LRP6: variants seen among roughly 807,000 people sequenced by gnomAD.
The protein encoded by LRP6 is LDL receptor related protein 6.
Under a neutral mutation model 184.1 loss-of-function variants are expected in LRP6, and 43 were observed. That is an observed-to-expected ratio of 0.23 (90% CI 0.18 to 0.30). The LOEUF (loss-of-function observed/expected upper bound fraction) is 0.30, where lower values mean the gene tolerates loss of function less well. LRP6 is among the 10% of genes least tolerant of loss of function. The pLI, the probability that LRP6 is intolerant of heterozygous loss-of-function variation, is 1.00. For synonymous variants in LRP6, 719 were observed against 684.9 expected, an observed-to-expected ratio of 1.05 and a Z score of -0.78; for missense variants, 1,571 against 2,005.3, an observed-to-expected ratio of 0.78 and a Z score of 4.14.
At position 12,231,301 on chromosome 12, in the gene LRP6, T is replaced by C. The variant is rs986943024; in HGVS notation, c.449+12961A>G. Among the ~76,000 whole-genome samples, 16 of 147,870 alleles carry C rather than the reference T, an allele frequency of 1.1e-4. No individual in the cohort carries two copies. In the Admixed American group the frequency reaches 1.1e-3, roughly 10 times the overall value. On this transcript the variant is annotated intron_variant, in intron 2 of 22. Transcript: ENST00000261349. ...TGTTCCAATGACAAGCCAGAGAAGA[T>C]CTTGGCACACAAGACACAGTGTTAG...
At position 12,119,864 on chromosome 12, in the gene LRP6, G is replaced by A. The variant is rs1416054810; in HGVS notation, c.*1262C>T. ...TTATTCTGAGAAAAACCGGTCTAAA[G>A]AACATGAAAACATCACAAACTGTTA... On this transcript the variant is annotated 3_prime_UTR_variant, in exon 23 of 23. Transcript: ENST00000261349. 6.7e-6 allele frequency: 1 copy of A among 150,112 alleles called. No homozygotes were observed. Among genetic ancestry groups the A allele is most frequent in the Non-Finnish European group, 1.5e-5 (1 of 67,522 alleles). The allele number at this position is 150,112 out of a possible 1,614,324, so 9.3% of individuals were successfully genotyped here.
At chr12:12,139,268 G>A (rs1949896140) in intron 15 of LRP6, among the ~76,000 whole-genome samples, 1 of 152,202 alleles carries the variant, frequency 6.6e-6, no homozygotes, top group South Asian at 2.1e-4. Context: ...ATCAAGGAAA[G>A]TTTCAGGAAA....
intron 19 of LRP6, among the ~76,000 whole-genome samples, chr12:12,130,439 G>A (rs1221995325): frequency 2.0e-5 from 3 of 151,994 alleles, no homozygotes. Flanking sequence ...GCCCACCTTG[G>A]CCTCCCAAAG....
Position 12,116,404 on chromosome 12 carries a change from T to G in LRP6, c.*4722A>C, listed in dbSNP as rs1372749027. ...AATCTTCTTGGTATCCTCTCTACTT[T>G]TTAACATTTTTCCTTACTAATCCAT... On this transcript the variant is annotated 3_prime_UTR_variant, in exon 23 of 23. Transcript: ENST00000261349. 6.6e-6 allele frequency: 1 copy of G among 152,232 alleles called. No individual in the cohort carries two copies. The highest frequency in any genetic ancestry group is 2.4e-5 in the African/African-American group (1 of 41,460). The allele number at this position is 152,232 out of a possible 1,614,324, so 9.4% of individuals were successfully genotyped here.
At chr12:12,180,769 T>G (rs540464003) in intron 6 of LRP6, among the ~76,000 whole-genome samples, 1 of 151,956 alleles carries the variant, frequency 6.6e-6, no homozygotes, top group Non-Finnish European at 1.5e-5. Context: ...TTCATGGTAA[T>G]GATGCAATCC....
Position 12,223,648 on chromosome 12 carries a change from ACTC to A in LRP6, c.450-20251_450-20249del, listed in dbSNP as rs559977789. ...AAAATATTAATTATACTTTTCTACTACTCCTATCTTAATTTTTAATGGGTATAA... is the reference window on the plus strand; with the variant it reads ...AAAATATTAATTATACTTTTCTACTACTATCTTAATTTTTAATGGGTATAA... On this transcript the variant is annotated intron_variant, in intron 2 of 22. Coordinates refer to ENST00000261349, the MANE Select transcript of LRP6 (RefSeq NM_002336.3). 7.1e-4 allele frequency among the ~76,000 whole-genome samples: 108 copies of A among 152,054 alleles called. 1 individual carries two copies. The East Asian group carries it at 9.3e-3, about 13-fold the overall frequency.
intron 5 of LRP6, among the ~76,000 whole-genome samples, chr12:12,181,677 T>C (rs1863349647): frequency 6.6e-6 from 1 of 152,244 alleles, no homozygotes; most frequent in African/African-American, 2.4e-5. Context: ...CATTCTATGG[T>C]TTCATTGGAA....
intron 15 of LRP6, chr12:12,138,933 C>G: frequency 7.3e-7 from 1 of 1,368,310 alleles, no homozygotes; most frequent in Non-Finnish European, 9.8e-7. Flanking sequence ...CTCACCCCAC[C>G]TGGCTTCTCA....
chr12:12,184,436 T>A (rs1332119602), intron 4 of LRP6, among the ~76,000 whole-genome samples: 2 of 152,082 alleles, frequency 1.3e-5, no homozygotes, highest in African/African-American at 2.4e-5. Context: ...AGTGCTATTT[T>A]GCACATTATA....
At chr12:12,251,076 G>A (rs555220283) in intron 1 of LRP6, among the ~76,000 whole-genome samples, 2 of 151,862 alleles carry the variant, frequency 1.3e-5, no homozygotes, top group East Asian at 1.9e-4. Flanking sequence ...GATTACAGGC[G>A]CTCGCCACCA....
chr12:12,259,333 G>C (rs568771044), intron 1 of LRP6, among the ~76,000 whole-genome samples: 1 of 151,302 alleles, frequency 6.6e-6, no homozygotes, highest in Admixed American at 6.6e-5. Context: ...ATAACTTTAG[G>C]CCTGGTGTTA....
intron 20 of LRP6, among the ~76,000 whole-genome samples, chr12:12,125,750 G>C (rs1160369357): frequency 6.6e-6 from 1 of 152,104 alleles, no homozygotes; most frequent in East Asian, 1.9e-4. Flanking sequence ...GGATTGTAAA[G>C]GGTAGAGGTT....
intron 15 of LRP6, among the ~76,000 whole-genome samples, chr12:12,139,208 C>A (rs1949895161): frequency 6.6e-6 from 1 of 152,132 alleles, no homozygotes; most frequent in Non-Finnish European, 1.5e-5. Flanking sequence ...TTCACGGTTC[C>A]TAAGTCATGA....
At chr12:12,159,662 G>T (rs1156594389) in intron 11 of LRP6, 118 bp downstream of exon 11, 1 of 924,474 alleles carries the variant, frequency 1.1e-6, no homozygotes, top group Non-Finnish European at 1.7e-6. Context: ...CAGAACAGAA[G>T]AAGAATGGAC....
intron 1 of LRP6, among the ~76,000 whole-genome samples, chr12:12,257,585 A>G (rs1349269002): frequency 3.6e-5 from 4 of 111,682 alleles, no homozygotes; most frequent in Non-Finnish European, 7.1e-5. Context: ...CCTCTCAAGG[A>G]AAAAAAAAAA....
chr12:12,229,302 G>C (rs28448423), intron 2 of LRP6, among the ~76,000 whole-genome samples: 1 of 151,256 alleles, frequency 6.6e-6, no homozygotes, highest in Admixed American at 6.6e-5. Flanking sequence ...CCCGCAAGGC[G>C]GAGGTTGCTG....
chr12:12,187,266 A>C (rs1222054815), intron 3 of LRP6, 147 bp from the exon 4 acceptor site: 1 of 685,308 alleles, frequency 1.5e-6, no homozygotes, highest in African/African-American at 1.8e-5. Flanking sequence ...TACACCTATA[A>C]AAAATAATTC....
At chr12:12,148,299 AATT>A (rs956528715) in intron 14 of LRP6, among the ~76,000 whole-genome samples, 77 of 152,106 alleles carry the variant, frequency 5.1e-4, no homozygotes, top group African/African-American at 1.8e-3. Context: ...AATTCTTTCT[AATT>A]AATCTATTTA....
Position 12,150,111 on chromosome 12 carries a change from GACA to G in LRP6, c.2994+722_2994+724del, listed in dbSNP as rs1253643727. On this transcript the variant is annotated intron_variant, in intron 13 of 22. Coordinates refer to ENST00000261349, the MANE Select transcript of LRP6 (RefSeq NM_002336.3). ...AACTTACGATCACTGCTATGAGGAT[GACA>G]ACAAGTAATTATTTATAGTATTATA... 3.9e-5 allele frequency among the ~76,000 whole-genome samples: 6 copies of G among 152,064 alleles called. No individual in the cohort carries two copies. The South Asian group carries it at 1.2e-3, about 32-fold the overall frequency.
Sources: allele counts gnomAD v4.1 joint callset (sites outside exome capture counted in the v4.1 genomes callset), GRCh38; gene constraint gnomAD v4.1.1; transcripts MANE v1.5; gene names NCBI Gene and HGNC (gene_info 2026-07-23, HGNC 2026-07-21).